SUPT3H: variants seen among roughly 807,000 people sequenced by gnomAD.
The protein encoded by SUPT3H is transcription initiation protein SPT3 homolog.
Under a neutral mutation model 44.3 loss-of-function variants are expected in SUPT3H, and 44 were observed. The observed-to-expected ratio is 0.99, with a 90% CI of 0.78 to 1.28. The LOEUF (loss-of-function observed/expected upper bound fraction) is 1.28, where lower values mean the gene tolerates loss of function less well. Among genes scored for constraint, SUPT3H ranks in the 50% most tolerant of loss-of-function variants. The pLI is 0.00. For missense variants in SUPT3H, 380 were observed against 387.1 expected, an observed-to-expected ratio of 0.98 and a Z score of 0.15; for synonymous variants, 124 against 125.6, an observed-to-expected ratio of 0.99 and a Z score of 0.09.
At chr6:45,098,570 T>C (rs1798117355) in intron 3 of SUPT3H, 1 of 315,394 alleles carries the variant, frequency 3.2e-6, no homozygotes, top group South Asian at 3.4e-5. Context: ...CATGCAGACA[T>C]GAGAAGCCTA....
At chr6:45,024,324 ACATT>A (rs1785618287) in intron 3 of SUPT3H, among the ~76,000 whole-genome samples, 1 of 152,166 alleles carries the variant, frequency 6.6e-6, no homozygotes, top group East Asian at 1.9e-4. Flanking sequence ...GCTATCCATG[ACATT>A]CATTTTTTTT....
chr6:45,274,881 A>G (rs938751580), intron 2 of SUPT3H, among the ~76,000 whole-genome samples: 2 of 152,192 alleles, frequency 1.3e-5, no homozygotes, highest in Non-Finnish European at 2.9e-5. Flanking sequence ...GTTTCAAAAA[A>G]AGAAAGAAAA....
intron 3 of SUPT3H, among the ~76,000 whole-genome samples, chr6:45,054,267 C>A (rs1361503958): frequency 1.3e-5 from 2 of 152,086 alleles, no homozygotes; most frequent in Non-Finnish European, 2.9e-5. Flanking sequence ...CAAAAGAATT[C>A]TCTGGCCTTT....
intron 2 of SUPT3H, among the ~76,000 whole-genome samples, chr6:45,175,810 T>C (rs1256369798): frequency 6.6e-6 from 1 of 152,188 alleles, no homozygotes; most frequent in African/African-American, 2.4e-5. Context: ...AATAAGCTTA[T>C]ACTGAGAAAC....
chr6:45,280,788 A>T (rs1221852102), intron 2 of SUPT3H, among the ~76,000 whole-genome samples: 1 of 152,020 alleles, frequency 6.6e-6, no homozygotes, highest in Non-Finnish European at 1.5e-5. Flanking sequence ...CAAATTATTA[A>T]GAATAGTTTA....
At chr6:45,323,057 A>C in intron 2 of SUPT3H, 1 of 776,276 alleles carries the variant, frequency 1.3e-6, no homozygotes, top group Non-Finnish European at 2.0e-6. Flanking sequence ...TTAAATTATG[A>C]GATGACAATT....
chr6:44,894,821 T>C (rs899514185), intron 10 of SUPT3H, among the ~76,000 whole-genome samples: 3 of 151,678 alleles, frequency 2.0e-5, no homozygotes, highest in Admixed American at 6.6e-5. Flanking sequence ...TAAGCATGAG[T>C]GTTTCATAGG....
chr6:45,255,155 T>C (rs1455060307), intron 2 of SUPT3H, among the ~76,000 whole-genome samples: 1 of 152,120 alleles, frequency 6.6e-6, no homozygotes, highest in Non-Finnish European at 1.5e-5. Flanking sequence ...CAAAGGTATA[T>C]CTGTATGGGA....
chr6:44,942,295 TA>T (rs201488466), intron 9 of SUPT3H, among the ~76,000 whole-genome samples: 1,807 of 142,760 alleles, frequency 0.013, 105 homozygotes, highest in Admixed American at 0.091. Context: ...GAATAGGTAA[TA>T]AAAAAAAAAA....
In SUPT3H at chr6:45,113,055, T is replaced by C. The variant is rs747594901; in HGVS notation, c.102-7049A>G. Among the ~76,000 whole-genome samples, 7 of 152,006 alleles carry C rather than the reference T, an allele frequency of 4.6e-5. No individual in the cohort carries two copies. The East Asian group carries it at 7.8e-4, about 17-fold the overall frequency. ...CTTTAGAATGGACACTGTGTGACTATTGCTTGGTTTAAGAAGGCTCTGGGT... is the reference window on the plus strand; with the variant it reads ...CTTTAGAATGGACACTGTGTGACTACTGCTTGGTTTAAGAAGGCTCTGGGT... On this transcript the variant is annotated intron_variant, in intron 2 of 10. Coordinates refer to ENST00000371459, the MANE Select transcript of SUPT3H (RefSeq NM_003599.4).
chr6:45,300,613 G>C (rs943914705), intron 2 of SUPT3H, among the ~76,000 whole-genome samples: 1 of 152,134 alleles, frequency 6.6e-6, no homozygotes, highest in Non-Finnish European at 1.5e-5. Flanking sequence ...AGGAAGCGAC[G>C]GCTTAATGGG....
intron 3 of SUPT3H, among the ~76,000 whole-genome samples, chr6:45,057,103 T>C (rs1046884299): frequency 6.6e-6 from 1 of 152,066 alleles, no homozygotes; most frequent in Non-Finnish European, 1.5e-5. Flanking sequence ...AAAGAATATA[T>C]TAATAACATG....
chr6:45,281,200 C>T (rs1237494964), intron 2 of SUPT3H, among the ~76,000 whole-genome samples: 1 of 152,204 alleles, frequency 6.6e-6, no homozygotes, highest in Admixed American at 6.5e-5. Flanking sequence ...GCATTTCCAA[C>T]TGAGGTACCG....
intron 2 of SUPT3H, among the ~76,000 whole-genome samples, chr6:45,171,300 C>A (rs1393613584): frequency 6.6e-6 from 1 of 152,082 alleles, no homozygotes; most frequent in African/African-American, 2.4e-5. Context: ...ATATTATTTT[C>A]TAAAATGAAT....
intron 3 of SUPT3H, among the ~76,000 whole-genome samples, chr6:45,077,514 C>G (rs758552779): frequency 1.3e-5 from 2 of 150,274 alleles, no homozygotes; most frequent in African/African-American, 4.9e-5. Flanking sequence ...ATAGTCCCAG[C>G]TATTCAGGAG....
intron 2 of SUPT3H, among the ~76,000 whole-genome samples, chr6:45,290,620 T>G (rs1482100831): frequency 6.6e-6 from 1 of 152,130 alleles, no homozygotes; most frequent in African/African-American, 2.4e-5. Context: ...AAAATATTTT[T>G]AAAAAACTAA....
intron 3 of SUPT3H, among the ~76,000 whole-genome samples, chr6:45,084,732 T>C (rs925060541): frequency 2.6e-5 from 4 of 152,168 alleles, no homozygotes; most frequent in Non-Finnish European, 5.9e-5. Flanking sequence ...CAACAGTATA[T>C]TGGATAAAGC....
rs188672133 is a variant in SUPT3H at position 45,099,505 on chromosome 6, A to G, written c.186+6417T>C. 2.5e-3 allele frequency among the ~76,000 whole-genome samples: 380 copies of G among 152,338 alleles called. 1 individual carries two copies. Among genetic ancestry groups the G allele is most frequent in the South Asian group, 6.4e-3 (31 of 4,830 alleles). ...CTATGAAAGATTTATCATTTATTAGAGACATGAATATAGAAATACATGAAG... is the reference window on the plus strand; with the variant it reads ...CTATGAAAGATTTATCATTTATTAGGGACATGAATATAGAAATACATGAAG... On this transcript the variant is annotated intron_variant, in intron 3 of 10. Transcript: ENST00000371459.
intron 10 of SUPT3H, among the ~76,000 whole-genome samples, chr6:44,931,115 A>C (rs1770523676): frequency 6.6e-6 from 1 of 152,222 alleles, no homozygotes; most frequent in Non-Finnish European, 1.5e-5. Context: ...CTTTTTGAGG[A>C]AATAATGCAG....
Sources: gnomAD v4.1 joint callset for allele counts (sites outside exome capture counted in the v4.1 genomes callset) on GRCh38, gnomAD v4.1.1 for gene constraint, MANE v1.5 for transcripts, NCBI Gene and HGNC (gene_info 2026-07-23, HGNC 2026-07-21) for gene names.